Variants in GABRB1 observed in about 807,000 individuals in gnomAD.
GABRB1 encodes the protein gamma-aminobutyric acid receptor subunit beta-1.
In GABRB1, 17 loss-of-function variants were observed where a neutral mutation model predicts 51.6. The ratio of observed to expected loss-of-function variants is 0.33; its 90% CI spans 0.23 to 0.49. The LOEUF (loss-of-function observed/expected upper bound fraction) is 0.49, where lower values mean the gene tolerates loss of function less well. Ranked by LOEUF, GABRB1 falls within the 20% of genes least tolerant of loss-of-function variation. GABRB1 has a pLI of 0.99. For missense variants in GABRB1, 410 were observed against 600.6 expected (o/e 0.68, Z 3.32); for synonymous variants, 247 against 218.9 (o/e 1.13, Z -1.14).
chr4:47,214,076 G>A (rs1042754792), intron 4 of GABRB1, among the ~76,000 whole-genome samples: 4 of 152,144 alleles, frequency 2.6e-5, no homozygotes, highest in African/African-American at 9.7e-5. Flanking sequence ...TGAAACGCTA[G>A]TGTGCCTGTT....
intron 4 of GABRB1, among the ~76,000 whole-genome samples, chr4:47,241,822 T>G (rs535881467): frequency 1.3e-5 from 2 of 152,270 alleles, no homozygotes; most frequent in African/African-American, 4.8e-5. Context: ...AATCTAATAT[T>G]CTACTTGAGA....
chr4:47,322,770 A>T (rs1286804147), intron 5 of GABRB1, among the ~76,000 whole-genome samples: 1 of 152,138 alleles, frequency 6.6e-6, no homozygotes, highest in Non-Finnish European at 1.5e-5. Context: ...CAGGAGTTCG[A>T]GACCAGCCTG....
At chr4:47,292,291 G>A (rs960126609) in intron 4 of GABRB1, among the ~76,000 whole-genome samples, 1 of 152,188 alleles carries the variant, frequency 6.6e-6, no homozygotes, top group African/African-American at 2.4e-5. Flanking sequence ...ATGTGGAACT[G>A]TAAGTCCAAT....
chr4:47,291,120 G>C (rs1340269381), intron 4 of GABRB1, among the ~76,000 whole-genome samples: 1 of 152,136 alleles, frequency 6.6e-6, no homozygotes, highest in Non-Finnish European at 1.5e-5. Flanking sequence ...ACGGGCCCAG[G>C]GTCCCCCACT....
At chr4:47,164,645 A>G (rs891237992) in intron 4 of GABRB1, among the ~76,000 whole-genome samples, 1 of 152,128 alleles carries the variant, frequency 6.6e-6, no homozygotes, top group African/African-American at 2.4e-5. Flanking sequence ...GTCATTAAAC[A>G]AAATCAATTT....
intron 3 of GABRB1, among the ~76,000 whole-genome samples, chr4:47,160,625 ATTTCTCT>A (rs1257606457): frequency 6.6e-6 from 1 of 152,042 alleles, no homozygotes; most frequent in Non-Finnish European, 1.5e-5. Context: ...CCTCTGTACA[ATTTCTCT>A]TTATGGCCTT....
intron 3 of GABRB1, among the ~76,000 whole-genome samples, chr4:47,067,890 T>A (rs1415765835): frequency 6.6e-6 from 1 of 152,028 alleles, no homozygotes; most frequent in Non-Finnish European, 1.5e-5. Context: ...TTAACCCCAC[T>A]CCCAACAGGC....
Position 47,111,825 on chromosome 4 carries a change from A to G in GABRB1, c.241-49424A>G, listed in dbSNP as rs1196958351. On this transcript the variant is annotated intron_variant, in intron 3 of 8. Coordinates refer to ENST00000295454, the MANE Select transcript of GABRB1 (RefSeq NM_000812.4). Reference sequence around the variant, plus strand: ...GGCTGAAGTGAGCTGAGATCATACCACTGCACTCCAACCTGGGCGAGAGTG... The same window carrying G: ...GGCTGAAGTGAGCTGAGATCATACCGCTGCACTCCAACCTGGGCGAGAGTG... Among the ~76,000 whole-genome samples, 9 of 152,046 alleles carry G rather than the reference A, an allele frequency of 5.9e-5. No homozygotes were observed. In the East Asian group the frequency reaches 1.5e-3, roughly 26 times the overall value.
intron 8 of GABRB1, among the ~76,000 whole-genome samples, chr4:47,419,253 G>A (rs553212731): frequency 3.7e-4 from 56 of 152,316 alleles, no homozygotes; most frequent in African/African-American, 1.3e-3. Context: ...AGGAAGGAAA[G>A]TGTGCGCCAG....
upstream of GABRB1, among the ~76,000 whole-genome samples, chr4:47,028,482 G>A (rs1334937251): frequency 6.6e-6 from 1 of 151,594 alleles, no homozygotes; most frequent in East Asian, 1.9e-4. Flanking sequence ...CTCATTGATT[G>A]GCATAAACAT....
At chr4:47,315,290 C>A (rs1236638007) in intron 4 of GABRB1, among the ~76,000 whole-genome samples, 1 of 151,950 alleles carries the variant, frequency 6.6e-6, no homozygotes, top group African/African-American at 2.4e-5. Flanking sequence ...AAATGCTCAA[C>A]TTCACTAATC....
intron 4 of GABRB1, among the ~76,000 whole-genome samples, chr4:47,204,003 T>C (rs1457352180): frequency 6.6e-6 from 1 of 152,158 alleles, no homozygotes; most frequent in African/African-American, 2.4e-5. Context: ...CTCCGTGCTT[T>C]GCACTCTCTC....
chr4:47,015,373 G>A (rs745573945), intron 1 of GABRB1, among the ~76,000 whole-genome samples: 1 of 152,166 alleles, frequency 6.6e-6, no homozygotes, highest in Non-Finnish European at 1.5e-5. Context: ...AACAGAAATA[G>A]AAAATATTCA....
At chr4:47,280,145 A>G (rs571819756) in intron 4 of GABRB1, among the ~76,000 whole-genome samples, 1 of 151,082 alleles carries the variant, frequency 6.6e-6, no homozygotes, top group African/African-American at 2.4e-5. Flanking sequence ...TGAAATCTTT[A>G]TCTTTTGTGT....
intron 8 of GABRB1, among the ~76,000 whole-genome samples, chr4:47,415,640 A>G (rs1178739303): frequency 2.0e-5 from 3 of 152,168 alleles, no homozygotes. Flanking sequence ...CGTGCACCAA[A>G]AGAATATCAG....
chr4:47,161,345 G>A lies in GABRB1; in HGVS notation c.337G>A (p.Ala113Thr). 1 of 1,612,262 alleles carries A rather than the reference G, an allele frequency of 6.2e-7. No individual in the cohort carries two copies. Among genetic ancestry groups the A allele is most frequent in the Non-Finnish European group, 8.5e-7 (1 of 1,178,906 alleles). The change falls in exon 4 of 9, where the codon GCT becomes ACT. Residue 113 changes from alanine (A) to threonine (T), a missense_variant. By Grantham distance (58) the Ala-to-Thr change is moderately conservative. Transcript: ENST00000295454. ...GAACCTCACCCTAGACAATAGGGTAGCTGACCAACTCTGGGTACCAGACAC... is the reference window on the plus strand; with the variant it reads ...GAACCTCACCCTAGACAATAGGGTAACTGACCAACTCTGGGTACCAGACAC... ...PLNLTLDNRV[A>T]DQLWVPDTYF...
At chr4:47,071,199 A>G (rs760638455) in intron 3 of GABRB1, among the ~76,000 whole-genome samples, 11 of 152,134 alleles carry the variant, frequency 7.2e-5, no homozygotes, top group Admixed American at 1.3e-4. Context: ...TTCTCCCCAC[A>G]TTGCTATTGC....
chr4:47,193,486 T>A (rs539629888), intron 4 of GABRB1, among the ~76,000 whole-genome samples: 1 of 152,354 alleles, frequency 6.6e-6, no homozygotes, highest in East Asian at 1.9e-4. Context: ...TCATGCAGTC[T>A]GTAAGCATTG....
At chr4:47,393,938 G>T (rs1034597664) in intron 5 of GABRB1, among the ~76,000 whole-genome samples, 1 of 152,220 alleles carries the variant, frequency 6.6e-6, no homozygotes, top group Non-Finnish European at 1.5e-5. Flanking sequence ...CCATTGATTT[G>T]CTTGCCAGTT....
Sources: allele counts gnomAD v4.1 joint callset (sites outside exome capture counted in the v4.1 genomes callset), GRCh38; gene constraint gnomAD v4.1.1; transcripts MANE v1.5; gene names NCBI Gene and HGNC (gene_info 2026-07-23, HGNC 2026-07-21).